The following KCNB2 variants were observed in gnomAD, a reference collection of about 807,000 sequenced individuals.
The protein encoded by KCNB2 is delayed rectifier potassium channel protein.
A neutral mutation model predicts 61.5 loss-of-function variants in KCNB2; 15 were observed. The ratio of observed to expected loss-of-function variants is 0.24; its 90% CI spans 0.16 to 0.38. The LOEUF (loss-of-function observed/expected upper bound fraction) is 0.38, where lower values mean the gene tolerates loss of function less well. KCNB2 is among the 10% of genes least tolerant of loss of function. KCNB2 has a pLI of 1.00. For missense variants in KCNB2, 828 were observed against 1,125.2 expected (o/e 0.74, Z 3.78); for synonymous variants, 457 against 446.0 (o/e 1.02, Z -0.31).
chr8:72,678,375 T>C (rs1435391297), intron 2 of KCNB2, among the ~76,000 whole-genome samples: 1 of 152,202 alleles, frequency 6.6e-6, no homozygotes, highest in Non-Finnish European at 1.5e-5. Flanking sequence ...TATCAGGTCC[T>C]CATAGAGTCC....
intron 2 of KCNB2, among the ~76,000 whole-genome samples, chr8:72,934,409 A>AC (rs1259571943): frequency 6.6e-6 from 1 of 151,570 alleles, no homozygotes. Context: ...AAAAAAAAAA[A>AC]AAAAAGTAAA....
chr8:72,828,011 C>G (rs934181909), intron 2 of KCNB2, among the ~76,000 whole-genome samples: 3 of 152,056 alleles, frequency 2.0e-5, no homozygotes, highest in Non-Finnish European at 4.4e-5. Context: ...CGGGGTTTCA[C>G]CATGTTGGCC....
At chr8:72,780,972 C>T (rs545026539) in intron 2 of KCNB2, among the ~76,000 whole-genome samples, 3 of 152,234 alleles carry the variant, frequency 2.0e-5, no homozygotes, top group Admixed American at 2.0e-4. Context: ...CTCTAATGAT[C>T]AGTGATGCTG....
chr8:72,855,474 C>T lies in KCNB2; in HGVS notation c.580-80461C>T, dbSNP rs572076675. 8.5e-5 allele frequency among the ~76,000 whole-genome samples: 13 copies of T among 152,256 alleles called. No homozygotes were observed. The East Asian group carries it at 2.3e-3, about 27-fold the overall frequency. On this transcript the variant is annotated intron_variant, in intron 2 of 2. Coordinates refer to ENST00000523207, the MANE Select transcript of KCNB2 (RefSeq NM_004770.3). ...ACCCCTCCTCAAGGAAGCTTTTTCTCACTTCCCATTGCCCCCTCCCAAACA... is the reference window on the plus strand; with the variant it reads ...ACCCCTCCTCAAGGAAGCTTTTTCTTACTTCCCATTGCCCCCTCCCAAACA...
At chr8:72,845,324 G>A (rs909457009) in intron 2 of KCNB2, among the ~76,000 whole-genome samples, 1 of 152,166 alleles carries the variant, frequency 6.6e-6, no homozygotes, top group Non-Finnish European at 1.5e-5. Flanking sequence ...CGTCCCAGAG[G>A]GGTACCCGCC....
At chr8:72,561,787 A>ATATATATG (rs1806538704) in intron 1 of KCNB2, among the ~76,000 whole-genome samples, 1 of 69,658 alleles carries the variant, frequency 1.4e-5, no homozygotes, top group Admixed American at 1.6e-4. Flanking sequence ...GGATATATAT[A>ATATATATG]TACATATATA....
chr8:72,700,551 A>G (rs1807102789), intron 2 of KCNB2, among the ~76,000 whole-genome samples: 1 of 152,124 alleles, frequency 6.6e-6, no homozygotes. Context: ...AAATAAACAA[A>G]TGACAAATGT....
chr8:72,936,713 A>T lies in KCNB2; in HGVS notation c.1358A>T (p.Asn453Ile). Residue 453 changes from asparagine to isoleucine, a missense_variant, in exon 3 of 3, where the codon AAC becomes ATC. Asn to Ile is a moderately radical substitution (Grantham distance 149). This residue lies in a region of KCNB2 where 559 missense variants were observed against 588.4 expected (regional missense o/e 0.95). Transcript: ENST00000523207. This position sits in a 1 kb window ranked among gnomAD's most constrained non-coding sequence, Gnocchi z 5.6. The stretch of plus-strand genomic sequence containing the variant: ...AGGAACGGAAGCATCGTTTCTATGA[A>T]CTTAAAAGATGCCTTCGCTCGAAGT... ...AKRNGSIVSMNLKDAFARSME... is the reference protein window; with the variant it reads ...AKRNGSIVSMILKDAFARSME... The T allele has an allele frequency of 1.2e-6, 2 of 1,614,166 alleles. No individual in the cohort carries two copies. Among genetic ancestry groups the T allele is most frequent in the Non-Finnish European group, 1.7e-6 (2 of 1,180,020 alleles).
intron 2 of KCNB2, among the ~76,000 whole-genome samples, chr8:72,780,755 G>A (rs752797684): frequency 2.0e-5 from 3 of 152,116 alleles, no homozygotes; most frequent in Non-Finnish European, 4.4e-5. Flanking sequence ...GGATTGCTGG[G>A]TTAAATGATA....
At chr8:72,820,130 A>G (rs1328536483) in intron 2 of KCNB2, among the ~76,000 whole-genome samples, 1 of 152,068 alleles carries the variant, frequency 6.6e-6, no homozygotes, top group Non-Finnish European at 1.5e-5. Flanking sequence ...TCAACCGCTC[A>G]TCCCCTTTGA....
intron 2 of KCNB2, among the ~76,000 whole-genome samples, chr8:72,675,516 C>G (rs1250275162): frequency 1.5e-5 from 2 of 132,092 alleles, no homozygotes; most frequent in African/African-American, 7.7e-5. Context: ...AATCTGCAGT[C>G]GGATTTTTTT....
At chr8:72,683,144 A>G (rs979844500) in intron 2 of KCNB2, among the ~76,000 whole-genome samples, 5 of 152,186 alleles carry the variant, frequency 3.3e-5, no homozygotes, top group African/African-American at 7.2e-5. Context: ...ATTCTTTCCT[A>G]TGTAATGTCA....
At chr8:72,557,185 A>G (rs1244041153) in intron 1 of KCNB2, among the ~76,000 whole-genome samples, 1 of 152,200 alleles carries the variant, frequency 6.6e-6, no homozygotes, top group East Asian at 1.9e-4. Context: ...TATTGTGATT[A>G]GAATACATCA....
At chr8:72,715,896 A>C (rs1225871161) in intron 2 of KCNB2, among the ~76,000 whole-genome samples, 2 of 152,216 alleles carry the variant, frequency 1.3e-5, no homozygotes, top group Non-Finnish European at 2.9e-5. Flanking sequence ...AAAGATCATC[A>C]AAATTGATAG....
intron 2 of KCNB2, among the ~76,000 whole-genome samples, chr8:72,715,670 A>G (rs1004360559): frequency 1.3e-5 from 2 of 152,204 alleles, no homozygotes; most frequent in Non-Finnish European, 2.9e-5. Context: ...CAGCGTGTAG[A>G]GGGAAATTTA....
At chr8:72,846,410 TG>T (rs1475750054) in intron 2 of KCNB2, among the ~76,000 whole-genome samples, 1 of 151,980 alleles carries the variant, frequency 6.6e-6, no homozygotes, top group Admixed American at 6.6e-5. Context: ...AATTGACAAA[TG>T]GGATCTAATT....
At chr8:72,757,711 AC>A (rs996700424) in intron 2 of KCNB2, among the ~76,000 whole-genome samples, 2 of 152,162 alleles carry the variant, frequency 1.3e-5, no homozygotes, top group African/African-American at 2.4e-5. Context: ...GTATCAACAC[AC>A]TTTTATTTGA....
chr8:72,905,384 GAA>G (rs1242362452), intron 2 of KCNB2, among the ~76,000 whole-genome samples: 3 of 152,088 alleles, frequency 2.0e-5, no homozygotes, highest in East Asian at 3.9e-4. Flanking sequence ...GGAACTTAAG[GAA>G]AGACACTTGG....
At chr8:72,675,207 G>A (rs1489666062) in intron 2 of KCNB2, among the ~76,000 whole-genome samples, 1 of 152,140 alleles carries the variant, frequency 6.6e-6, no homozygotes, top group Non-Finnish European at 1.5e-5. Context: ...AAGTGTTTAA[G>A]TATCTTTGCC....
Sources: gnomAD v4.1 joint callset for allele counts (sites outside exome capture counted in the v4.1 genomes callset) on GRCh38, gnomAD v4.1.1 for gene constraint, gnomAD v4.1.1 regional missense constraint, Gnocchi (gnomAD v3.1) non-coding constraint, MANE v1.5 for transcripts, NCBI Gene and HGNC (gene_info 2026-07-23, HGNC 2026-07-21) for gene names.